PTK7: variants seen among roughly 807,000 people sequenced by gnomAD.
PTK7 encodes protein tyrosine kinase 7 (inactive).
A neutral mutation model predicts 116.6 loss-of-function variants in PTK7; 39 were observed. The ratio of observed to expected loss-of-function variants is 0.33; its 90% CI spans 0.26 to 0.44. The LOEUF is 0.44. Among genes scored for constraint, PTK7 ranks in the 20% least tolerant of loss-of-function variants. PTK7 has a pLI of 1.00. For missense variants in PTK7, 1,169 were observed against 1,425.6 expected (o/e 0.82, Z 2.90); for synonymous variants, 546 against 563.6 (o/e 0.97, Z 0.44).
At chr6:43,147,935 C>T (rs6458326) in intron 17 of PTK7, among the ~76,000 whole-genome samples, 57,605 of 151,772 alleles carry the variant, frequency 0.38, 11,285 homozygotes, top group Middle Eastern at 0.52. Flanking sequence ...CCAGTGACTC[C>T]TCACTGAGCC....
Position 43,154,575 on chromosome 6 carries a change from G to T in PTK7, c.2722-4242G>T, listed in dbSNP as rs147035808. 7.7e-3 allele frequency among the ~76,000 whole-genome samples: 1,170 copies of T among 151,954 alleles called. 12 individuals carry two copies. Among genetic ancestry groups the T allele is most frequent in the African/African-American group, 0.027 (1,115 of 41,448 alleles). ...TTCCCTTTTTTTTTCTTTAATGCTG[G>T]CTAAGATTCCCTAAATTGGTTTCAT... is the stretch of plus-strand genomic sequence containing the variant. On this transcript the variant is annotated intron_variant, in intron 17 of 19. Coordinates refer to ENST00000230419, the MANE Select transcript of PTK7 (RefSeq NM_002821.5).
At chr6:43,160,534 C>A (rs1771784876) in intron 19 of PTK7, among the ~76,000 whole-genome samples, 187 bp from the exon 20 acceptor site, 1 of 152,220 alleles carries the variant, frequency 6.6e-6, no homozygotes, top group Non-Finnish European at 1.5e-5. Context: ...TGGACCCCGT[C>A]CTACCAGCCA....
chr6:43,149,668 T>C (rs1364063092), intron 17 of PTK7, among the ~76,000 whole-genome samples: 2 of 152,132 alleles, frequency 1.3e-5, no homozygotes, highest in Non-Finnish European at 2.9e-5. Context: ...CTGAGTGACA[T>C]AGCAAGACCT....
At chr6:43,119,606 A>G (rs1368339138) in intron 1 of PTK7, among the ~76,000 whole-genome samples, 4 of 152,186 alleles carry the variant, frequency 2.6e-5, no homozygotes, top group Non-Finnish European at 5.9e-5. Flanking sequence ...CTGGGTGATC[A>G]GGGGCTGGAC....
chr6:43,145,634 T>A lies in PTK7; in HGVS notation c.2640+202T>A. ...CTCTTGGATGCCTGCTTTCCCTTTA[T>A]CAGCACCCAGTCTTTCCATCTGTAT... is the stretch of plus-strand genomic sequence containing the variant. On this transcript the variant is annotated intron_variant, in intron 16 of 19. Transcript: ENST00000230419. This position sits in a 1 kb window ranked among gnomAD's most constrained non-coding sequence, Gnocchi z 4.8. 2.5e-6 allele frequency: 1 copy of A among 397,612 alleles called. No individual in the cohort carries two copies. Among genetic ancestry groups the A allele is most frequent in the Non-Finnish European group, 4.5e-6 (1 of 224,118 alleles). The allele number at this position is 397,612 out of a possible 1,614,324, so 24.6% of individuals were successfully genotyped here.
intron 1 of PTK7, among the ~76,000 whole-genome samples, chr6:43,117,900 C>T (rs1310409481): frequency 2.6e-5 from 4 of 151,092 alleles, no homozygotes; most frequent in Non-Finnish European, 5.9e-5. Context: ...CATGCCATTG[C>T]ACTCCAGCCT....
intron 1 of PTK7, among the ~76,000 whole-genome samples, chr6:43,109,061 T>G (rs1227726361): frequency 6.6e-6 from 1 of 152,204 alleles, no homozygotes; most frequent in Non-Finnish European, 1.5e-5. Context: ...ACTTTCAGTG[T>G]TTTGTGTTAA....
chr6:43,160,381 G>C (rs1380016308), intron 19 of PTK7, among the ~76,000 whole-genome samples: 3 of 152,184 alleles, frequency 2.0e-5, no homozygotes, highest in Non-Finnish European at 4.4e-5. Context: ...GCCTCCCAAA[G>C]TGCTGGGATT....
chr6:43,111,594 T>C (rs73436448), intron 1 of PTK7, among the ~76,000 whole-genome samples: 7,724 of 152,332 alleles, frequency 0.051, 247 homozygotes, highest in African/African-American at 0.085. Context: ...TGTTTCACAC[T>C]GCTACCTCTG....
chr6:43,096,924 G>A (rs1167613413), intron 1 of PTK7, among the ~76,000 whole-genome samples: 1 of 152,284 alleles, frequency 6.6e-6, no homozygotes, highest in Non-Finnish European at 1.5e-5. Context: ...GGGCCTGGAG[G>A]CCGCTGCCTT....
chr6:43,112,418 GTCTC>G (rs1448809329), intron 1 of PTK7, among the ~76,000 whole-genome samples: 8 of 151,846 alleles, frequency 5.3e-5, no homozygotes, highest in Non-Finnish European at 1.0e-4. Flanking sequence ...ACTTGGGAGT[GTCTC>G]TCTGTCTGTG....
intron 1 of PTK7, among the ~76,000 whole-genome samples, chr6:43,104,714 C>G (rs936805099): frequency 6.6e-6 from 1 of 152,222 alleles, no homozygotes; most frequent in Middle Eastern, 3.4e-3. Flanking sequence ...AGGTGTCAGC[C>G]TCCATGCCCA....
chr6:43,111,379 C>T (rs1315751533), intron 1 of PTK7, among the ~76,000 whole-genome samples: 4 of 152,132 alleles, frequency 2.6e-5, no homozygotes, highest in African/African-American at 7.2e-5. Flanking sequence ...ACCACTACAG[C>T]AGAGATTGGA....
chr6:43,091,298 C>A (rs1038266497), intron 1 of PTK7, among the ~76,000 whole-genome samples: 4 of 151,882 alleles, frequency 2.6e-5, no homozygotes, highest in Admixed American at 1.3e-4. Flanking sequence ...CTAGCTGGGA[C>A]TACAGGCCCA....
intron 1 of PTK7, among the ~76,000 whole-genome samples, chr6:43,106,067 A>G (rs1210298348): frequency 6.6e-6 from 1 of 151,998 alleles, no homozygotes; most frequent in Non-Finnish European, 1.5e-5. Flanking sequence ...CCTTGGAAAC[A>G]GGGACTCATT....
intron 7 of PTK7, among the ~76,000 whole-genome samples, chr6:43,137,358 G>T (rs1770101462): frequency 6.6e-6 from 1 of 152,166 alleles, no homozygotes; most frequent in Non-Finnish European, 1.5e-5. Context: ...CAGTAGATAG[G>T]GTTTGGTAGA....
chr6:43,132,702 C>T lies in PTK7; in HGVS notation c.1228+15C>T, dbSNP rs1229876682. ...CACTGTGGCCAGTGAGCACCTTTGC[C>T]CTGAAGGTCAAGGAGAGGTGGAGGG... is the stretch of plus-strand genomic sequence containing the variant. On this transcript the variant is annotated intron_variant, in intron 7 of 19. Transcript: ENST00000230419. 8.4e-6 allele frequency: 13 copies of T among 1,554,992 alleles called. No individual in the cohort carries two copies. The highest frequency in any genetic ancestry group is 1.1e-5 in the Non-Finnish European group (13 of 1,149,234).
rs1161239021 is a variant in PTK7 at position 43,159,840 on chromosome 6, G to A, written c.2926G>A (p.Glu976Lys). The change falls in exon 19 of 20, where the codon GAG becomes AAG. Residue 976 changes from glutamate to lysine, a missense_variant. Transcript: ENST00000230419. ...GGTGCCGCTGCGCTGGATGTCCCCC[G>A]AGGCCATCCTGGAGGGTGACTTCTC... ...AWVPLRWMSP[E>K]AILEGDFSTK... 6.2e-7 allele frequency: 1 copy of A among 1,614,192 alleles called. No individual in the cohort carries two copies. The highest frequency in any genetic ancestry group is 8.5e-7 in the Non-Finnish European group (1 of 1,180,038).
At chr6:43,144,312 T>G (rs1770597737) in intron 14 of PTK7, 139 bp from the exon 15 acceptor site, 3 of 1,028,968 alleles carry the variant, frequency 2.9e-6, no homozygotes, top group Admixed American at 4.2e-5. Context: ...ATTTCATCAT[T>G]TGGGCTTGCC....
Sources: gnomAD v4.1 joint callset for allele counts (sites outside exome capture counted in the v4.1 genomes callset) on GRCh38, gnomAD v4.1.1 for gene constraint, Gnocchi (gnomAD v3.1) non-coding constraint, MANE v1.5 for transcripts, NCBI Gene and HGNC (gene_info 2026-07-23, HGNC 2026-07-21) for gene names.